ZMYM2: variants seen among roughly 807,000 people sequenced by gnomAD.
ZMYM2 encodes zinc finger MYM-type containing 2.
A neutral mutation model predicts 162.8 loss-of-function variants in ZMYM2; 56 were observed. That is an observed-to-expected ratio of 0.34 (90% CI 0.28 to 0.43). The LOEUF (loss-of-function observed/expected upper bound fraction) is 0.43, where lower values mean the gene tolerates loss of function less well. Among genes scored for constraint, ZMYM2 ranks in the 20% least tolerant of loss-of-function variants. ZMYM2 has a pLI of 1.00. For missense variants in ZMYM2, 1,275 were observed against 1,621.8 expected, an observed-to-expected ratio of 0.79 and a Z score of 3.67; for synonymous variants, 510 against 541.6, an observed-to-expected ratio of 0.94 and a Z score of 0.81.
At chr13:19,910,559 C>T in the ZMYM2 span, among the ~76,000 whole-genome samples, 9 of 147,058 alleles carry the variant, frequency 6.1e-5, no homozygotes, top group Admixed American at 1.4e-4. Context: ...GAGACAGTCT[C>T]GCTGTCACCC....
chr13:20,069,361 C>T (rs947501629), intron 21 of ZMYM2, among the ~76,000 whole-genome samples: 1 of 152,008 alleles, frequency 6.6e-6, no homozygotes, highest in African/African-American at 2.4e-5. Context: ...TTGCCTAGTT[C>T]CTGATCTTAG....
At chr13:19,877,372 CAAAG>C in the ZMYM2 span, among the ~76,000 whole-genome samples, 2 of 152,134 alleles carry the variant, frequency 1.3e-5, no homozygotes, top group East Asian at 1.9e-4. Flanking sequence ...AAAGAGATCA[CAAAG>C]AAAGAGAGAA....
chr13:19,939,365 C>T, the ZMYM2 span, among the ~76,000 whole-genome samples: 3 of 151,628 alleles, frequency 2.0e-5, no homozygotes, highest in African/African-American at 7.3e-5. Flanking sequence ...TAATACTTAT[C>T]TAAATTTAAA....
At chr13:19,916,165 T>A in the ZMYM2 span, among the ~76,000 whole-genome samples, 1 of 152,012 alleles carries the variant, frequency 6.6e-6, no homozygotes, top group Non-Finnish European at 1.5e-5. Context: ...CCACCCGAGA[T>A]AACACTTTTA....
At chr13:19,925,204 T>C in the ZMYM2 span, among the ~76,000 whole-genome samples, 2 of 152,324 alleles carry the variant, frequency 1.3e-5, no homozygotes, top group East Asian at 3.9e-4. Flanking sequence ...ACTTTCATAC[T>C]GTTTTCTATA....
chr13:20,046,349 C>A (rs564527375), intron 12 of ZMYM2, among the ~76,000 whole-genome samples: 1 of 151,470 alleles, frequency 6.6e-6, no homozygotes, highest in Non-Finnish European at 1.5e-5. Flanking sequence ...GAGTTCTAGT[C>A]CAGCCTGGGC....
the ZMYM2 span, among the ~76,000 whole-genome samples, chr13:19,911,965 C>T: frequency 6.6e-6 from 1 of 152,206 alleles, no homozygotes; most frequent in Non-Finnish European, 1.5e-5. Context: ...CACCTCCATT[C>T]AACTCATCTA....
chr13:19,992,388 C>T (rs935937216), intron 2 of ZMYM2, among the ~76,000 whole-genome samples: 1 of 151,978 alleles, frequency 6.6e-6, no homozygotes, highest in African/African-American at 2.4e-5. Context: ...AGTGAGACCT[C>T]GTCTCTACCT....
chr13:19,881,211 T>C, the ZMYM2 span, among the ~76,000 whole-genome samples: 2 of 152,170 alleles, frequency 1.3e-5, no homozygotes, highest in African/African-American at 4.8e-5. Context: ...TTTGTACATA[T>C]AAATTTTCAT....
At chr13:19,965,771 C>CTTTTTTTTT (rs35914050) in intron 2 of ZMYM2, among the ~76,000 whole-genome samples, 6 of 104,890 alleles carry the variant, frequency 5.7e-5, no homozygotes, top group African/African-American at 1.1e-4. Context: ...TATCTGAATT[C>CTTTTTTTTT]TTTTTTTTTT....
the ZMYM2 span, among the ~76,000 whole-genome samples, chr13:19,866,907 A>G: frequency 6.6e-6 from 1 of 152,198 alleles, no homozygotes; most frequent in Non-Finnish European, 1.5e-5. Flanking sequence ...AAACAAAAAA[A>G]AAAGTTGTTT....
the ZMYM2 span, among the ~76,000 whole-genome samples, chr13:19,911,598 A>T: frequency 6.6e-6 from 1 of 152,212 alleles, no homozygotes; most frequent in African/African-American, 2.4e-5. Context: ...CAGAAGACCC[A>T]AAAGGTCACT....
the ZMYM2 span, among the ~76,000 whole-genome samples, chr13:19,943,221 C>T: frequency 2.6e-5 from 4 of 152,098 alleles, no homozygotes; most frequent in African/African-American, 4.8e-5. Flanking sequence ...ATGTGTCTTG[C>T]CTCTGTGTCC....
the ZMYM2 span, among the ~76,000 whole-genome samples, chr13:19,892,800 C>T: frequency 8.6e-5 from 13 of 150,740 alleles, no homozygotes; most frequent in African/African-American, 2.4e-4. Flanking sequence ...CTGCAACCTC[C>T]GTGTCCTGGG....
At chr13:20,043,570 C>T (rs1290805216) in intron 12 of ZMYM2, among the ~76,000 whole-genome samples, 1 of 151,802 alleles carries the variant, frequency 6.6e-6, no homozygotes, top group African/African-American at 2.4e-5. Context: ...GGCTCTTGGT[C>T]GCTCAGGGAG....
At chr13:20,066,553 A>G (rs1956692545) in intron 19 of ZMYM2, 1 of 243,396 alleles carries the variant, frequency 4.1e-6, no homozygotes, top group Non-Finnish European at 7.8e-6. Context: ...GAGAAAATAT[A>G]TTTACGATTC....
At chr13:20,008,850 TTAAA>T (rs1262152360) in intron 6 of ZMYM2, among the ~76,000 whole-genome samples, 3 of 151,758 alleles carry the variant, frequency 2.0e-5, no homozygotes, top group East Asian at 3.9e-4. Context: ...AATAAATGAA[TTAAA>T]TAGTCAACTG....
chr13:19,932,161 A>G, the ZMYM2 span, among the ~76,000 whole-genome samples: 1 of 152,196 alleles, frequency 6.6e-6, no homozygotes, highest in Non-Finnish European at 1.5e-5. Context: ...TCAACAGTTT[A>G]AGCTTATATT....
chr13:20,032,718 C>G (rs569828651), intron 10 of ZMYM2, among the ~76,000 whole-genome samples: 1 of 145,396 alleles, frequency 6.9e-6, no homozygotes, highest in South Asian at 2.2e-4. Context: ...AAGCGATTCT[C>G]CTGCCTCAGT....
Sources: allele counts gnomAD v4.1 joint callset (sites outside exome capture counted in the v4.1 genomes callset), GRCh38; gene constraint gnomAD v4.1.1; transcripts MANE v1.5; gene names NCBI Gene and HGNC (gene_info 2026-07-23, HGNC 2026-07-21).